The following DOCK10 variants were observed in gnomAD, a reference collection of about 807,000 sequenced individuals.
DOCK10 encodes dedicator of cytokinesis protein 10.
In DOCK10, 145 loss-of-function variants were observed where a neutral mutation model predicts 280.1. The ratio of observed to expected loss-of-function variants is 0.52; its 90% CI spans 0.45 to 0.59. DOCK10 has a LOEUF of 0.59. Ranked by LOEUF, DOCK10 falls within the 20% of genes least tolerant of loss-of-function variation. The probability of loss-of-function intolerance (pLI) is 0.00; values close to 1 mark genes in which losing one functional copy is unlikely to be tolerated. For synonymous variants in DOCK10, 915 were observed against 942.2 expected, an observed-to-expected ratio of 0.97 and a Z score of 0.53; for missense variants, 2,368 against 2,651.7, an observed-to-expected ratio of 0.89 and a Z score of 2.35.
intron 1 of DOCK10, among the ~76,000 whole-genome samples, chr2:224,936,969 A>C (rs1206188169): frequency 6.6e-6 from 1 of 152,202 alleles, no homozygotes; most frequent in Non-Finnish European, 1.5e-5. Flanking sequence ...AACCATTAAC[A>C]GTTTCAAGTA....
At chr2:225,028,700 A>G (rs1311622504) in intron 1 of DOCK10, among the ~76,000 whole-genome samples, 1 of 152,206 alleles carries the variant, frequency 6.6e-6, no homozygotes, top group Non-Finnish European at 1.5e-5. Context: ...TCTGATCACT[A>G]GACTTTTGGC....
intron 1 of DOCK10, among the ~76,000 whole-genome samples, chr2:225,014,598 T>C (rs1689541055): frequency 6.6e-6 from 1 of 152,114 alleles, no homozygotes; most frequent in African/African-American, 2.4e-5. Context: ...TTTCCCCATA[T>C]GTGTTTGATT....
chr2:224,772,286 A>T (rs1266169353), intron 53 of DOCK10, among the ~76,000 whole-genome samples: 1 of 152,118 alleles, frequency 6.6e-6, no homozygotes, highest in African/African-American at 2.4e-5. Flanking sequence ...TTTATTTTAA[A>T]ATTTAATACT....
At chr2:224,929,610 C>T (rs1702214257) in intron 2 of DOCK10, among the ~76,000 whole-genome samples, 1 of 152,084 alleles carries the variant, frequency 6.6e-6, no homozygotes. Flanking sequence ...TTTAAGCAGC[C>T]ATGGAATAAA....
At chr2:224,997,977 G>A (rs1355938515) in intron 1 of DOCK10, among the ~76,000 whole-genome samples, 1 of 152,046 alleles carries the variant, frequency 6.6e-6, no homozygotes, top group African/African-American at 2.4e-5. Context: ...CAACATTCTG[G>A]CAAACAAAGA....
intron 3 of DOCK10, among the ~76,000 whole-genome samples, chr2:224,914,369 A>G (rs936255077): frequency 2.0e-5 from 3 of 152,196 alleles, no homozygotes; most frequent in Non-Finnish European, 4.4e-5. Flanking sequence ...GCCAAATTTC[A>G]CTCATAATAT....
Position 224,970,432 on chromosome 2 carries a change from C to T in DOCK10, c.124-38764G>A, listed in dbSNP as rs886990248. Among the ~76,000 whole-genome samples, 5 of 152,168 alleles carry T rather than the reference C, an allele frequency of 3.3e-5. No individual in the cohort carries two copies. The highest frequency in any genetic ancestry group is 1.2e-4 in the African/African-American group (5 of 41,444). On this transcript the variant is annotated intron_variant, in intron 1 of 55. Transcript: ENST00000258390. The surrounding 1 kb of genome is among the most constrained non-coding windows in gnomAD (Gnocchi z 4.6). ...GAAGTCCTACAGTTCTCAAAAGGCA[C>T]AACAAGCCTGATATCAATACCCAGA...
chr2:224,828,793 G>T (rs1053565417), intron 27 of DOCK10, among the ~76,000 whole-genome samples: 18 of 152,160 alleles, frequency 1.2e-4, no homozygotes, highest in African/African-American at 4.1e-4. Context: ...TCAGGGAGTT[G>T]TAGAGCTGGT....
At chr2:224,921,627 T>C (rs2125979751) in intron 2 of DOCK10, among the ~76,000 whole-genome samples, 1 of 152,336 alleles carries the variant, frequency 6.6e-6, no homozygotes, top group South Asian at 2.1e-4. Flanking sequence ...TGAATTATGC[T>C]CTTGGAACCA....
At chr2:225,014,083 TG>T (rs367657751) in intron 1 of DOCK10, among the ~76,000 whole-genome samples, 2,260 of 29,634 alleles carry the variant, frequency 0.076, 80 homozygotes, top group Middle Eastern at 0.15. Flanking sequence ...CTGAATATAT[TG>T]TTTTTTTTTT....
chr2:225,035,576 A>ATAT (rs1690230894), intron 1 of DOCK10, among the ~76,000 whole-genome samples: 1 of 97,056 alleles, frequency 1.0e-5, no homozygotes, highest in Non-Finnish European at 2.0e-5. Flanking sequence ...ATATATATAT[A>ATAT]TATATATATA....
At chr2:224,995,701 G>A (rs1299009082) in intron 1 of DOCK10, among the ~76,000 whole-genome samples, 1 of 152,122 alleles carries the variant, frequency 6.6e-6, no homozygotes, top group African/African-American at 2.4e-5. Context: ...AAAAAAGCAT[G>A]GTTAATTGTG....
chr2:224,863,995 A>G (rs1426916815), intron 13 of DOCK10, among the ~76,000 whole-genome samples: 1 of 152,188 alleles, frequency 6.6e-6, no homozygotes, highest in Non-Finnish European at 1.5e-5. Flanking sequence ...TTTCATTATT[A>G]TTAATACTCT....
chr2:224,963,996 CTTTT>C (rs66476455), intron 1 of DOCK10, among the ~76,000 whole-genome samples: 11 of 122,768 alleles, frequency 9.0e-5, no homozygotes, highest in Admixed American at 1.6e-4. Flanking sequence ...GTCTAAAATT[CTTTT>C]TTTTTTTTTT....
chr2:224,786,241 GC>G lies in DOCK10; in HGVS notation c.5655+780del, dbSNP rs1559397486. Among the ~76,000 whole-genome samples the G allele has an allele frequency of 6.6e-6, 1 of 152,166 alleles. No individual in the cohort carries two copies. The highest frequency in any genetic ancestry group is 2.4e-5 in the African/African-American group (1 of 41,446). On this transcript the variant is annotated intron_variant, in intron 50 of 55. Transcript: ENST00000258390. The surrounding 1 kb of genome is among the most constrained non-coding windows in gnomAD (Gnocchi z 4.7). ...GGAAGTGTGAGGTCTGAGAGCCACT[GC>G]CATTCCGAAAATAAAAGCATGGGAT...
intron 27 of DOCK10, among the ~76,000 whole-genome samples, chr2:224,827,291 A>G (rs939789179): frequency 6.6e-6 from 1 of 151,846 alleles, no homozygotes; most frequent in Non-Finnish European, 1.5e-5. Context: ...TAAAGAAAAA[A>G]GATGATATCA....
rs1043845937 is a variant in DOCK10 at position 224,797,166 on chromosome 2, G to A, written c.4645-20C>T. The stretch of plus-strand genomic sequence containing the variant: ...AGGAAACTGCAGAAATGGAAGAACG[G>A]GTGAAGGGAGCAACATGCCTTCATT... On this transcript the variant is annotated intron_variant, in intron 42 of 55. Transcript: ENST00000258390. 1.4e-5 allele frequency: 22 copies of A among 1,576,616 alleles called. No individual in the cohort carries two copies. Among genetic ancestry groups the A allele is most frequent in the Non-Finnish European group, 1.9e-5 (22 of 1,160,844 alleles).
At chr2:224,771,735 C>G (rs2124959017) in intron 53 of DOCK10, among the ~76,000 whole-genome samples, 1 of 152,312 alleles carries the variant, frequency 6.6e-6, no homozygotes, top group South Asian at 2.1e-4. Flanking sequence ...TTTTGCTTCT[C>G]CAGATCAAAT....
intron 27 of DOCK10, 149 bp downstream of exon 27, chr2:224,830,392 A>C: frequency 2.4e-6 from 1 of 417,930 alleles, no homozygotes; most frequent in Non-Finnish European, 4.2e-6. Flanking sequence ...TGGTGTACAC[A>C]ATCATTTCTT....
Sources: gnomAD v4.1 joint callset for allele counts (sites outside exome capture counted in the v4.1 genomes callset) on GRCh38, gnomAD v4.1.1 for gene constraint, Gnocchi (gnomAD v3.1) non-coding constraint, MANE v1.5 for transcripts, NCBI Gene and HGNC (gene_info 2026-07-23, HGNC 2026-07-21) for gene names.